Variants in FGD6 observed in about 807,000 individuals in gnomAD.
The protein encoded by FGD6 is FYVE, RhoGEF and PH domain-containing protein 6.
In FGD6, 90 loss-of-function variants were observed where a neutral mutation model predicts 149.4. The observed-to-expected ratio is 0.60, with a 90% confidence interval of 0.51 to 0.72. FGD6 has a LOEUF of 0.72. FGD6 is among the 30% of genes least tolerant of loss of function. The pLI, the probability that FGD6 is intolerant of heterozygous loss-of-function variation, is 0.00. For missense variants in FGD6, 1,437 were observed against 1,684.8 expected (o/e 0.85, Z 2.57); for synonymous variants, 527 against 584.0 (o/e 0.90, Z 1.41).
rs1007295446 is a variant in FGD6 at position 95,185,746 on chromosome 12, G to A, written c.2442-13002C>T. 4.6e-5 allele frequency among the ~76,000 whole-genome samples: 7 copies of A among 152,024 alleles called. No homozygotes were observed. The South Asian group carries it at 6.2e-4, about 14-fold the overall frequency. On this transcript the variant is annotated intron_variant, in intron 2 of 20. Coordinates refer to ENST00000343958, the MANE Select transcript of FGD6 (RefSeq NM_018351.4). ...CATGGTGGTGCGCACCTGTAATCCC[G>A]GCTACTCAGGAGGCTGAGGCAGAAG...
At chr12:95,173,650 G>A (rs1881053877) in intron 2 of FGD6, among the ~76,000 whole-genome samples, 1 of 152,180 alleles carries the variant, frequency 6.6e-6, no homozygotes, top group South Asian at 2.1e-4. Context: ...TGGCTGGAAA[G>A]ATTCAGGAGC....
At chr12:95,110,681 T>C (rs1878791810) in intron 9 of FGD6, among the ~76,000 whole-genome samples, 1 of 152,082 alleles carries the variant, frequency 6.6e-6, no homozygotes, top group Admixed American at 6.6e-5. Context: ...CGGTGCCTGG[T>C]ACCCTTTTCA....
rs1190225180 is a variant in FGD6, at chr12:95,111,337, TG to T, written c.3133+2313del. Among the ~76,000 whole-genome samples, 14 of 152,310 alleles carry T rather than the reference TG, an allele frequency of 9.2e-5. 2 individuals carry two copies. The highest frequency in any genetic ancestry group is 9.2e-4 in the Admixed American group (14 of 15,292). On this transcript the variant is annotated intron_variant, in intron 9 of 20. Transcript: ENST00000343958. ...CCATACAGTGGGCCTCACTGTTCAC[TG>T]GTTTTCTCATCTATGTCTTTGCTGT...
In FGD6 at chr12:95,081,632, G is replaced by A. The variant is rs796420531; in HGVS notation, c.4257-76C>T. The A allele has an allele frequency of 6.5e-6, 6 of 928,806 alleles. No individual in the cohort carries two copies. The South Asian group carries it at 9.4e-5, about 15-fold the overall frequency. The allele number at this position is 928,806 out of a possible 1,614,324, so 57.5% of individuals were successfully genotyped here. A position where few individuals can be genotyped will look rare whatever the true frequency, so the allele number is the denominator to read the frequency against. On this transcript the variant is annotated intron_variant, in intron 20 of 20. Coordinates refer to ENST00000343958, the MANE Select transcript of FGD6 (RefSeq NM_018351.4). The stretch of plus-strand genomic sequence containing the variant: ...GTGAACACCATATAGATGACAGCTG[G>A]GCCTGTGGTCCTCATTACCATAACA...
At chr12:95,202,152 G>A (rs1435047379) in intron 2 of FGD6, among the ~76,000 whole-genome samples, 2 of 151,996 alleles carry the variant, frequency 1.3e-5, no homozygotes, top group African/African-American at 2.4e-5. Context: ...CACTTTGGGA[G>A]GCCGAGGTGG....
chr12:95,143,288 TTTTTG>T (rs1485737287), intron 5 of FGD6, among the ~76,000 whole-genome samples: 1 of 58,690 alleles, frequency 1.7e-5, no homozygotes, highest in African/African-American at 1.0e-4. Flanking sequence ...GGTTTGTTTT[TTTTTG>T]TTTTTTTTTT....
intron 18 of FGD6, among the ~76,000 whole-genome samples, chr12:95,086,711 T>G (rs1188257031): frequency 1.3e-5 from 2 of 150,282 alleles, no homozygotes; most frequent in African/African-American, 4.9e-5. Flanking sequence ...GGCTATTTTT[T>G]TTTTTTGTAT....
At chr12:95,201,163 T>C (rs1348413631) in intron 2 of FGD6, among the ~76,000 whole-genome samples, 1 of 152,196 alleles carries the variant, frequency 6.6e-6, no homozygotes, top group South Asian at 2.1e-4. Flanking sequence ...AGGCATTACT[T>C]ATGAATATGT....
chr12:95,093,317 G>A (rs1878128842), intron 15 of FGD6, among the ~76,000 whole-genome samples: 1 of 152,162 alleles, frequency 6.6e-6, no homozygotes, highest in Non-Finnish European at 1.5e-5. Context: ...AGAGGCCAAG[G>A]TGGGCAGATC....
At chr12:95,098,005 C>T (rs1247757909) in intron 14 of FGD6, among the ~76,000 whole-genome samples, 2 of 152,156 alleles carry the variant, frequency 1.3e-5, no homozygotes, top group Non-Finnish European at 2.9e-5. Flanking sequence ...TCTGTGTACC[C>T]TCATTCAGTC....
intron 5 of FGD6, 89 bp downstream of exon 5, chr12:95,152,722 T>C (rs1471271799): frequency 4.4e-6 from 5 of 1,141,636 alleles, no homozygotes; most frequent in Non-Finnish European, 6.3e-6. Flanking sequence ...TGTCTATCAT[T>C]AAGTTAGTAA....
chr12:95,180,372 ATTTTTT>A (rs5800188), intron 2 of FGD6, among the ~76,000 whole-genome samples: 2 of 112,360 alleles, frequency 1.8e-5, no homozygotes. Context: ...TAAAAGACAG[ATTTTTT>A]TTTTTTTTTT....
At chr12:95,132,644 C>A (rs138456616) in intron 8 of FGD6, among the ~76,000 whole-genome samples, 1 of 151,898 alleles carries the variant, frequency 6.6e-6, no homozygotes, top group Admixed American at 6.6e-5. Flanking sequence ...CCCAGCTACT[C>A]GGGAGGCTGA....
intron 2 of FGD6, among the ~76,000 whole-genome samples, chr12:95,173,023 G>T (rs1881037508): frequency 6.6e-6 from 1 of 152,144 alleles, no homozygotes; most frequent in Non-Finnish European, 1.5e-5. Flanking sequence ...CCCTCCCAAA[G>T]AAGATCAGGT....
chr12:95,090,011 G>A (rs569559130), intron 17 of FGD6, among the ~76,000 whole-genome samples: 51 of 152,074 alleles, frequency 3.4e-4, no homozygotes, highest in Non-Finnish European at 5.3e-4. Flanking sequence ...AAACCCCAAA[G>A]AACCCTGGTA....
In FGD6 at chr12:95,084,640, C is replaced by T. The variant is rs1877799937; in HGVS notation, c.4114G>A (p.Ala1372Thr). ...AATAAAGGCTGACTCTCCAAAGCGG[C>T]CACGTCCTAATTTAAAAACATACAA... ...LYTYAASEDVAALESQPLLGF... is the reference protein window; with the variant it reads ...LYTYAASEDVTALESQPLLGF... The change falls in exon 20 of 21, where the codon GCC (alanine) becomes ACC (threonine). Residue 1372 changes from alanine (A) to threonine (T), a missense_variant. Coordinates refer to ENST00000343958, the MANE Select transcript of FGD6 (RefSeq NM_018351.4). The T allele has an allele frequency of 6.4e-7, 1 of 1,571,812 alleles. No individual in the cohort carries two copies. The highest frequency in any genetic ancestry group is 8.6e-7 in the Non-Finnish European group (1 of 1,167,480).
In FGD6 at chr12:95,152,858, T is replaced by C. The variant is rs760145950; in HGVS notation, c.2655-17A>G. On this transcript the variant is annotated splice_polypyrimidine_tract_variant and intron_variant, in intron 4 of 20. Transcript: ENST00000343958. ...TCCACAAACCTGTAAAAAACAACAA[T>C]GAAAAAAATGTTTTAAATGTGCCAA... 7 of 1,613,660 alleles carry C rather than the reference T, an allele frequency of 4.3e-6. No individual in the cohort carries two copies. Among genetic ancestry groups the C allele is most frequent in the South Asian group, 1.1e-5 (1 of 91,048 alleles).
chr12:95,206,080 T>A (rs1465027997), intron 2 of FGD6, among the ~76,000 whole-genome samples: 3 of 151,964 alleles, frequency 2.0e-5, no homozygotes, highest in Non-Finnish European at 4.4e-5. Flanking sequence ...CTAAGCAGCA[T>A]AACAGATAAA....
In FGD6 at chr12:95,211,049, G is replaced by C. The variant is rs1220477254; in HGVS notation, c.235C>G (p.Leu79Val). The C allele has an allele frequency of 3.1e-6, 5 of 1,614,014 alleles. No homozygotes were observed. Among genetic ancestry groups the C allele is most frequent in the African/African-American group, 1.3e-5 (1 of 74,918 alleles). Residue 79 changes from leucine to valine, a missense_variant, in exon 2 of 21, where the codon CTG (leucine) becomes GTG (valine). Physicochemically the swap from Leu to Val is conservative, Grantham distance 32. This residue lies in a region of FGD6 where 1,055 missense variants were observed against 1,146.0 expected (regional missense o/e 0.92). Transcript: ENST00000343958. ...GCTAATTCCTGTTTATGCCCTTCCA[G>C]GTTCAACATGATTTTCCTTGATGGC... The part of the protein sequence containing the change: ...QSPSRKIMLN[L>V]EGHKQELAES...
Sources: gnomAD v4.1 joint callset for allele counts (sites outside exome capture counted in the v4.1 genomes callset) on GRCh38, gnomAD v4.1.1 for gene constraint, gnomAD v4.1.1 regional missense constraint, MANE v1.5 for transcripts, NCBI Gene and HGNC (gene_info 2026-07-23, HGNC 2026-07-21) for gene names.